The following CLCN7 variants were observed in gnomAD, a reference collection of about 807,000 sequenced individuals.
CLCN7 encodes Cl-/H+ antiporter 7, also known as H(+)/Cl(-) exchange transporter 7.
CLCN7 carries 60 observed loss-of-function variants against 102.1 expected under a neutral mutation model. The observed-to-expected ratio is 0.59, with a 90% CI of 0.48 to 0.73. CLCN7 has a LOEUF of 0.73. CLCN7 is among the 30% of genes least tolerant of loss of function. The probability of loss-of-function intolerance (pLI) is 0.00; values close to 1 mark genes in which losing one functional copy is unlikely to be tolerated. For synonymous variants in CLCN7, 560 were observed against 490.5 expected (o/e 1.14, Z -1.87); for missense variants, 962 against 1,125.7 (o/e 0.85, Z 2.08).
chr16:1,464,150 ACTT>A (rs1256319561), intron 2 of CLCN7, among the ~76,000 whole-genome samples: 1 of 152,180 alleles, frequency 6.6e-6, no homozygotes, highest in Non-Finnish European at 1.5e-5. Context: ...ACGGGAGAAA[ACTT>A]CTATAAATCA....
chr16:1,466,359 G>A (rs2039004667), intron 1 of CLCN7, among the ~76,000 whole-genome samples: 1 of 152,218 alleles, frequency 6.6e-6, no homozygotes, highest in African/African-American at 2.4e-5. Context: ...GTTTCAGCAG[G>A]GCCTGGAAGT....
intron 15 of CLCN7, 115 bp downstream of exon 15, chr16:1,452,640 C>G: frequency 8.8e-7 from 1 of 1,133,480 alleles, no homozygotes; most frequent in Non-Finnish European, 1.3e-6. Flanking sequence ...CCAGCCCATG[C>G]GCTTCTGGAA....
rs751098749 is a variant in CLCN7 at position 1,447,095 on chromosome 16, G to T, written c.2251-9C>A. ...CGTGGGAGCGACGCCTCCTGCAGCA[G>T]GGGCACAGCTGTCAGTGCCCGCCCA... is the stretch of plus-strand genomic sequence containing the variant. On this transcript the variant is annotated splice_polypyrimidine_tract_variant and intron_variant, in intron 23 of 24. Transcript: ENST00000382745. The T allele has an allele frequency of 1.3e-6, 2 of 1,590,724 alleles. No individual in the cohort carries two copies.
At chr16:1,448,560 T>C (rs1169771633) in intron 20 of CLCN7, 76 bp from the exon 21 acceptor site, 8 of 1,601,820 alleles carry the variant, frequency 5.0e-6, no homozygotes, top group East Asian at 4.5e-5. Context: ...GCTGGTGAGG[T>C]GTGAAGCCGC....
At position 1,447,562 on chromosome 16, in the gene CLCN7, C is replaced by A; in HGVS notation, c.2080G>T (p.Val694Leu). Residue 694 changes from valine (V) to leucine (L), a missense_variant, in exon 23 of 25, where the codon GTG (valine) becomes TTG (leucine). Val to Leu is a conservative substitution (Grantham distance 32). Around this residue, in one of 2 missense-constraint regions of CLCN7, gnomAD observed 799 missense variants for 988.0 expected, o/e 0.81. Coordinates refer to ENST00000382745, the MANE Select transcript of CLCN7 (RefSeq NM_001287.6). ...ACCAGGCCCAGGTTGGACCGCTCCA[C>A]AAACACCTGCGGGCGGCAGAGCCCT... ...LIVLLKHKVF[V>L]ERSNLGLVQR... 6.4e-7 allele frequency: 1 copy of A among 1,555,456 alleles called. No homozygotes were observed. The highest frequency in any genetic ancestry group is 8.7e-7 in the Non-Finnish European group (1 of 1,149,792).
At chr16:1,471,369 G>C in intron 1 of CLCN7, among the ~76,000 whole-genome samples, 1 of 152,174 alleles carries the variant, frequency 6.6e-6, no homozygotes, top group East Asian at 1.9e-4. Flanking sequence ...GCAGGGGATG[G>C]CCTGGGTTGA....
chr16:1,474,885 G>A lies in CLCN7; in HGVS notation c.90C>T (p.Pro30=), dbSNP rs550851648. 235 of 1,449,878 alleles carry A rather than the reference G, an allele frequency of 1.6e-4. 2 individuals are homozygous for A. In the African/African-American group the frequency reaches 3.2e-3, roughly 20 times the overall value. 89.8% of individuals were successfully genotyped at this position (1,449,878 alleles called of 1,614,324 possible). A position where few individuals can be genotyped will look rare whatever the true frequency, so the allele number is the denominator to read the frequency against. The part of the protein sequence containing the change: ...AAPLLRRTAR[P]GGGTPLLNGA... ...CGTTCAGCAGCGGCGTCCCCCCGCCGGGCCGCGCCGTCCTCCGCAGCAGCG... is the reference window on the plus strand; with the variant it reads ...CGTTCAGCAGCGGCGTCCCCCCGCCAGGCCGCGCCGTCCTCCGCAGCAGCG... Residue 30 remains proline, a synonymous_variant, in exon 1 of 25, where the codon CCC becomes CCT. Coordinates refer to ENST00000382745, the MANE Select transcript of CLCN7 (RefSeq NM_001287.6).
chr16:1,449,786 C>T (rs1308100866), intron 17 of CLCN7: 7 of 210,310 alleles, frequency 3.3e-5, no homozygotes, highest in Non-Finnish European at 4.7e-5. Context: ...TAGTGACGGC[C>T]GCACTGCCTC....
chr16:1,469,705 C>CA (rs1286186774), intron 1 of CLCN7, among the ~76,000 whole-genome samples: 2 of 152,078 alleles, frequency 1.3e-5, no homozygotes, highest in Non-Finnish European at 2.9e-5. Flanking sequence ...CAAAAATAAA[C>CA]AAAAAACCAA....
chr16:1,463,030 G>A (rs1405234175), intron 2 of CLCN7, among the ~76,000 whole-genome samples: 2 of 152,086 alleles, frequency 1.3e-5, no homozygotes, highest in Non-Finnish European at 2.9e-5. Flanking sequence ...ACATGCGCCT[G>A]AGTCCCAGCT....
chr16:1,447,781 C>A, intron 21 of CLCN7, 67 bp from the exon 22 acceptor site: 1 of 1,505,508 alleles, frequency 6.6e-7, no homozygotes, highest in South Asian at 1.2e-5. Flanking sequence ...AATGCTGTGT[C>A]GGGCCCCGCT....
chr16:1,448,170 C>A (rs1030126545), intron 21 of CLCN7, 185 bp downstream of exon 21: 18 of 834,286 alleles, frequency 2.2e-5, no homozygotes, highest in Non-Finnish European at 3.4e-5. Flanking sequence ...GGCCGCAGCC[C>A]CCCCCACCAG....
chr16:1,448,968 C>CA lies in CLCN7; in HGVS notation c.1794dup (p.Glu599Ter). ...GAGGCTTCGAGGCCCTGGCGCACCT[C>CA]AATGAAGACGTCGCCCACGATCTTG... On this transcript the variant is annotated frameshift_variant, in exon 19 of 25. Transcript: ENST00000382745. LOFTEE classifies it high-confidence loss of function. 1.9e-6 allele frequency: 3 copies of CA among 1,612,544 alleles called. No individual in the cohort carries two copies. Among genetic ancestry groups the CA allele is most frequent in the Non-Finnish European group, 2.5e-6 (3 of 1,180,004 alleles).
chr16:1,446,390 C>T lies in CLCN7; in HGVS notation c.*241G>A, dbSNP rs559965660. On this transcript the variant is annotated 3_prime_UTR_variant, in exon 25 of 25. Transcript: ENST00000382745. ...ATCCCTGGAGGTAAAGAAACCTAGA[C>T]GAGGAGAGTGGAGGCTGGGCCTGCG... 1,514 of 702,364 alleles carry T rather than the reference C, an allele frequency of 2.2e-3. 4 individuals carry two copies. Among genetic ancestry groups the T allele is most frequent in the Non-Finnish European group, 3.2e-3 (1,217 of 384,822 alleles). The allele number at this position is 702,364 out of a possible 1,614,324, so 43.5% of individuals were successfully genotyped here. A position where few individuals can be genotyped will look rare whatever the true frequency, so the allele number is the denominator to read the frequency against.
intron 12 of CLCN7, 71 bp downstream of exon 12, chr16:1,455,063 C>G (rs892510686): frequency 2.2e-6 from 2 of 927,840 alleles, no homozygotes; most frequent in Non-Finnish European, 3.6e-6. Flanking sequence ...AAATTCTCAA[C>G]CTGGGCCTTA....
At position 1,470,467 on chromosome 16, in the gene CLCN7, G is replaced by A. The variant is rs114119163; in HGVS notation, c.141+4367C>T. ...GCACAGAGGATACAGCAGCTGCCCC[G>A]CGGGGGGATGGGGGTTACAGTCAAA... On this transcript the variant is annotated intron_variant, in intron 1 of 24. Transcript: ENST00000382745. 6.3e-3 allele frequency among the ~76,000 whole-genome samples: 967 copies of A among 152,310 alleles called. 13 individuals are homozygous for A. Among genetic ancestry groups the A allele is most frequent in the African/African-American group, 0.022 (907 of 41,566 alleles).
rs1379676342 is a variant in CLCN7, at chr16:1,454,463, T to G, written c.1101A>C (p.Lys367Asn). The change falls in exon 13 of 25, where the codon AAA becomes AAC. Residue 367 changes from lysine (K) to asparagine (N), a missense_variant and splice_region_variant. This residue lies in a region of CLCN7 where 799 missense variants were observed against 988.0 expected (regional missense o/e 0.81). Coordinates refer to ENST00000382745, the MANE Select transcript of CLCN7 (RefSeq NM_001287.6). The part of the protein sequence containing the change: ...LINFGRFDSE[K>N]MAYTIHEIPV... ...GGATCTCGTGGATCGTGTAGGCCATTTTCTGTGCAGAGAGAGGGAGAAGGC... is the reference window on the plus strand; with the variant it reads ...GGATCTCGTGGATCGTGTAGGCCATGTTCTGTGCAGAGAGAGGGAGAAGGC... 1 of 1,613,306 alleles carries G rather than the reference T, an allele frequency of 6.2e-7. No individual in the cohort carries two copies. Among genetic ancestry groups the G allele is most frequent in the Non-Finnish European group, 8.5e-7 (1 of 1,179,882 alleles).
At chr16:1,454,514 A>C in intron 12 of CLCN7, 49 bp from the exon 13 acceptor site, 10 of 1,550,374 alleles carry the variant, frequency 6.5e-6, no homozygotes, top group Non-Finnish European at 8.9e-6. Context: ...AAAGGCCCAC[A>C]GCTCCTTTCT....
chr16:1,453,170 G>A (rs1431009678), intron 14 of CLCN7, among the ~76,000 whole-genome samples: 4 of 152,046 alleles, frequency 2.6e-5, no homozygotes, highest in Non-Finnish European at 5.9e-5. Context: ...TCTACATCTG[G>A]CTAATTTTTT....
Sources: allele counts gnomAD v4.1 joint callset (sites outside exome capture counted in the v4.1 genomes callset), GRCh38; gene constraint gnomAD v4.1.1; regional missense constraint gnomAD v4.1.1; transcripts MANE v1.5; gene names NCBI Gene and HGNC (gene_info 2026-07-23, HGNC 2026-07-21).